Variants in SPDL1 observed in about 807,000 individuals in gnomAD.
SPDL1 encodes the protein protein Spindly.
Under a neutral mutation model 79.5 loss-of-function variants are expected in SPDL1, and 85 were observed. That is an observed-to-expected ratio of 1.07 (90% CI 0.90 to 1.28). SPDL1 has a LOEUF of 1.28. SPDL1 is among the 50% of genes most tolerant of loss of function. The pLI is 0.00. For missense variants in SPDL1, 703 were observed against 697.8 expected (o/e 1.01, Z -0.08); for synonymous variants, 269 against 240.3 (o/e 1.12, Z -1.10).
chr5:169,594,359 T>C, intron 5 of SPDL1, 35 bp from the exon 6 acceptor site: 1 of 1,612,604 alleles, frequency 6.2e-7, no homozygotes, highest in Non-Finnish European at 8.5e-7. Flanking sequence ...GCTAATGTAA[T>C]CTCTGTTGCC....
Position 169,598,424 on chromosome 5 carries a change from C to G in SPDL1, c.1033-52C>G, listed in dbSNP as rs1755702821. The G allele has an allele frequency of 6.9e-6, 8 of 1,165,764 alleles. No individual in the cohort carries two copies. The Admixed American group carries it at 1.4e-4, about 20-fold the overall frequency. 72.2% of individuals were successfully genotyped at this position (1,165,764 alleles called of 1,614,324 possible). A position where few individuals can be genotyped will look rare whatever the true frequency, so the allele number is the denominator to read the frequency against. ...TGGTGCTATTATTAATAAACATACA[C>G]TAACCTTATTTGTTATTTATTTTAA... is the stretch of plus-strand genomic sequence containing the variant. On this transcript the variant is annotated intron_variant, in intron 8 of 11. Coordinates refer to ENST00000265295, the MANE Select transcript of SPDL1 (RefSeq NM_017785.5).
In SPDL1 at chr5:169,584,322, A is replaced by G. The variant is rs572357709; in HGVS notation, c.-24+433A>G. On this transcript the variant is annotated intron_variant, in intron 1 of 11. Coordinates refer to ENST00000265295, the MANE Select transcript of SPDL1 (RefSeq NM_017785.5). ...TGAGTGTATTTGTTTAAATATGTAAATTAATTTTTCATCTTTGTTTACTTT... is the reference window on the plus strand; with the variant it reads ...TGAGTGTATTTGTTTAAATATGTAAGTTAATTTTTCATCTTTGTTTACTTT... Among the ~76,000 whole-genome samples the G allele has an allele frequency of 2.0e-5, 3 of 152,332 alleles. No homozygotes were observed. The South Asian group carries it at 6.2e-4, about 32-fold the overall frequency.
intron 1 of SPDL1, among the ~76,000 whole-genome samples, chr5:169,587,939 C>A (rs1215968223): frequency 6.6e-6 from 1 of 152,096 alleles, no homozygotes; most frequent in African/African-American, 2.4e-5. Context: ...AGGCTGGTCT[C>A]GAATTCCTGG....
rs557398993 is a variant in SPDL1, at chr5:169,595,849, T to G, written c.892-712T>G. The G allele has an allele frequency of 2.6e-5, 4 of 152,270 alleles. 1 individual carries two copies. The highest frequency in any genetic ancestry group is 9.6e-5 in the African/African-American group (4 of 41,556). 9.4% of individuals were successfully genotyped at this position (152,270 alleles called of 1,614,324 possible). A position where few individuals can be genotyped will look rare whatever the true frequency, so the allele number is the denominator to read the frequency against. ...ACAAAAAGGATATCCTTTAAAATGTTAAAAGTCATCTGCAACCTCATATCA... is the reference window on the plus strand; with the variant it reads ...ACAAAAAGGATATCCTTTAAAATGTGAAAAGTCATCTGCAACCTCATATCA... On this transcript the variant is annotated intron_variant, in intron 7 of 11. Transcript: ENST00000265295.
chr5:169,588,703 C>T (rs1474711749), intron 2 of SPDL1, 128 bp downstream of exon 2: 27 of 734,702 alleles, frequency 3.7e-5, no homozygotes, highest in South Asian at 5.9e-5. Flanking sequence ...CGCCCTGCCC[C>T]GTCCCTGTTA....
At chr5:169,589,817 T>G (rs1217550534) in intron 2 of SPDL1, among the ~76,000 whole-genome samples, 1 of 151,974 alleles carries the variant, frequency 6.6e-6, no homozygotes, top group Non-Finnish European at 1.5e-5. Flanking sequence ...TTCTCCTACC[T>G]CAGCCTTCCG....
intron 11 of SPDL1, among the ~76,000 whole-genome samples, chr5:169,603,196 C>T (rs1484744064): frequency 6.6e-6 from 1 of 151,914 alleles, no homozygotes; most frequent in African/African-American, 2.4e-5. Context: ...ATACACAATC[C>T]TAAGATAATT....
At chr5:169,593,275 G>T in intron 3 of SPDL1, 79 bp from the exon 4 acceptor site, 1 of 1,260,850 alleles carries the variant, frequency 7.9e-7, no homozygotes, top group Non-Finnish European at 1.1e-6. Context: ...CAGTAAGTTT[G>T]GTTCAATCAG....
In SPDL1 at chr5:169,583,904, C is replaced by T. The variant is rs963455482; in HGVS notation, c.-24+15C>T. On this transcript the variant is annotated intron_variant, in intron 1 of 11. Coordinates refer to ENST00000265295, the MANE Select transcript of SPDL1 (RefSeq NM_017785.5). ...TAGCGTGAGAGGTAGGGGCAAGGGGCCTGGTGGGAGGTGGGTGTGGAGAGC... is the reference window on the plus strand; with the variant it reads ...TAGCGTGAGAGGTAGGGGCAAGGGGTCTGGTGGGAGGTGGGTGTGGAGAGC... The T allele has an allele frequency of 3.3e-5, 5 of 152,454 alleles. No homozygotes were observed. The highest frequency in any genetic ancestry group is 1.9e-4 in the East Asian group (1 of 5,206). The allele number at this position is 152,454 out of a possible 1,614,324, so 9.4% of individuals were successfully genotyped here.
Position 169,601,387 on chromosome 5 carries a change from T to C in SPDL1, c.1432T>C (p.Tyr478His), listed in dbSNP as rs1338709943. 6.2e-7 allele frequency: 1 copy of C among 1,614,140 alleles called. No homozygotes were observed. The highest frequency in any genetic ancestry group is 8.5e-7 in the Non-Finnish European group (1 of 1,180,030). ...VNNSALGGEVYRLPPQKEETQ... is the reference protein window; with the variant it reads ...VNNSALGGEVHRLPPQKEETQ... ...CAACAGTGCTCTCGGGGGAGAAGTTTATCGATTACCGCCTCAGAAAGAGGA... is the reference window on the plus strand; with the variant it reads ...CAACAGTGCTCTCGGGGGAGAAGTTCATCGATTACCGCCTCAGAAAGAGGA... The change falls in exon 11 of 12, where the codon TAT becomes CAT. Residue 478 changes from tyrosine to histidine, a missense_variant. By Grantham distance (83) the Tyr-to-His change is moderately conservative. Coordinates refer to ENST00000265295, the MANE Select transcript of SPDL1 (RefSeq NM_017785.5).
At chr5:169,601,737 T>G (rs1423396562) in intron 11 of SPDL1, 112 bp downstream of exon 11, 1 of 1,007,066 alleles carries the variant, frequency 9.9e-7, no homozygotes, top group Admixed American at 2.0e-5. Flanking sequence ...TTGCATGCAG[T>G]ATAATTCCTC....
intron 2 of SPDL1, 153 bp from the exon 3 acceptor site, chr5:169,590,895 C>G (rs545720916): frequency 1.4e-6 from 1 of 739,466 alleles, no homozygotes; most frequent in Admixed American, 2.2e-5. Context: ...GACTGATTAA[C>G]TACAAAGTTA....
chr5:169,591,107 A>G lies in SPDL1; in HGVS notation c.219A>G (p.Leu73=), dbSNP rs368046959. 3 of 1,613,952 alleles carry G rather than the reference A, an allele frequency of 1.9e-6. No homozygotes were observed. The highest frequency in any genetic ancestry group is 2.5e-6 in the Non-Finnish European group (3 of 1,179,982). Residue 73 remains leucine (L), a synonymous_variant, in exon 3 of 12, where the codon TTA becomes TTG. Coordinates refer to ENST00000265295, the MANE Select transcript of SPDL1 (RefSeq NM_017785.5). ...QREVELKSRM[L]ESLSCECEAI... ...AAGTTGAACTCAAGAGTCGAATGTT[A>G]GAAAGTTTGAGCTGCGAATGTGAAG...
intron 1 of SPDL1, 56 bp from the exon 2 acceptor site, chr5:169,588,338 T>A: frequency 8.3e-7 from 1 of 1,210,338 alleles, no homozygotes; most frequent in Non-Finnish European, 1.2e-6. Context: ...GTTATTGATA[T>A]TATTGCATGG....
chr5:169,599,195 A>G, intron 10 of SPDL1, 36 bp downstream of exon 10: 1 of 1,248,412 alleles, frequency 8.0e-7, no homozygotes, highest in South Asian at 1.9e-5. Flanking sequence ...CTTTTAAATT[A>G]TGAGTAACCT....
intron 8 of SPDL1, among the ~76,000 whole-genome samples, 182 bp downstream of exon 8, chr5:169,596,883 C>T (rs1364639068): frequency 1.3e-5 from 2 of 152,118 alleles, no homozygotes; most frequent in Admixed American, 6.5e-5. Context: ...AAACATAATT[C>T]TGTGATGATT....
chr5:169,590,756 AGATTACTT>A (rs1403688758), intron 2 of SPDL1: 7 of 488,216 alleles, frequency 1.4e-5, no homozygotes, highest in African/African-American at 5.8e-5. Flanking sequence ...TTGTTAGCAG[AGATTACTT>A]GACTTGACGT....
chr5:169,589,303 TTGCCATTCA>T (rs1476975944), intron 2 of SPDL1, among the ~76,000 whole-genome samples: 3 of 152,232 alleles, frequency 2.0e-5, no homozygotes, highest in Non-Finnish European at 4.4e-5. Context: ...GCTTCCATTG[TTGCCATTCA>T]TGCCATTCAT....
intron 10 of SPDL1, among the ~76,000 whole-genome samples, chr5:169,599,446 A>G (rs986185371): frequency 1.8e-4 from 27 of 152,188 alleles, no homozygotes; most frequent in African/African-American, 6.5e-4. Flanking sequence ...AGATTACAGT[A>G]TTTTATGTCA....
Sources: gnomAD v4.1 joint callset for allele counts (sites outside exome capture counted in the v4.1 genomes callset) on GRCh38, gnomAD v4.1.1 for gene constraint, MANE v1.5 for transcripts, NCBI Gene and HGNC (gene_info 2026-07-23, HGNC 2026-07-21) for gene names.